RELN: variants seen among roughly 807,000 people sequenced by gnomAD.
The protein encoded by RELN is reelin.
Under a neutral mutation model 427.6 loss-of-function variants are expected in RELN, and 108 were observed. The ratio of observed to expected loss-of-function variants is 0.25; its 90% confidence interval spans 0.22 to 0.30. RELN has a LOEUF of 0.30. RELN is among the 10% of genes least tolerant of loss of function. RELN has a pLI of 1.00. For missense variants in RELN, 3,715 were observed against 4,302.8 expected (o/e 0.86, Z 3.82); for synonymous variants, 1,524 against 1,513.4 (o/e 1.01, Z -0.16).
rs989234403 is a variant in RELN at position 103,873,974 on chromosome 7, C to G, written c.338-40302G>C. ...AATCCTCAATAAAATACTGGCAAAC[C>G]GAATCCAGCAGCACATCAAAAAGCT... On this transcript the variant is annotated intron_variant, in intron 2 of 64. Coordinates refer to ENST00000428762, the MANE Select transcript of RELN (RefSeq NM_005045.4). 2.1e-4 allele frequency among the ~76,000 whole-genome samples: 30 copies of G among 142,884 alleles called. No individual in the cohort carries two copies. The South Asian group carries it at 2.8e-3, about 13-fold the overall frequency. 93.7% of individuals were successfully genotyped at this position (142,884 alleles called of 152,430 possible). A position where few individuals can be genotyped will look rare whatever the true frequency, so the allele number is the denominator to read the frequency against.
At chr7:103,917,032 G>C in intron 2 of RELN, 43 bp downstream of exon 2, 1 of 1,372,806 alleles carries the variant, frequency 7.3e-7, no homozygotes, top group Non-Finnish European at 1.0e-6. Flanking sequence ...ACCTATGACT[G>C]TATAAAATAC....
Position 103,780,407 on chromosome 7 carries a change from ATTTAT to A in RELN, c.474-3785_474-3781del, listed in dbSNP as rs531005810. 4.1e-4 allele frequency among the ~76,000 whole-genome samples: 62 copies of A among 152,268 alleles called. No individual in the cohort carries two copies. The South Asian group carries it at 0.012, about 30-fold the overall frequency. ...ATCTTTTTTAAAAAAATGTTTTAACATTTATTTTAAGTTCTGGGGTACATGTGCAG... is the reference window on the plus strand; with the variant it reads ...ATCTTTTTTAAAAAAATGTTTTAACATTTAAGTTCTGGGGTACATGTGCAG... On this transcript the variant is annotated intron_variant, in intron 3 of 64. Coordinates refer to ENST00000428762, the MANE Select transcript of RELN (RefSeq NM_005045.4).
At position 103,589,696 on chromosome 7, in the gene RELN, C is replaced by G; in HGVS notation, c.4045G>C (p.Gly1349Arg). 1 of 1,614,052 alleles carries G rather than the reference C, an allele frequency of 6.2e-7. No homozygotes were observed. The highest frequency in any genetic ancestry group is 8.5e-7 in the Non-Finnish European group (1 of 1,179,936). Residue 1349 changes from glycine to arginine, a missense_variant, in exon 28 of 65, where the codon GGA (glycine) becomes CGA (arginine). Around this residue, in one of 4 missense-constraint regions of RELN, gnomAD observed 2,208 missense variants for 2,361.7 expected, o/e 0.93. Coordinates refer to ENST00000428762, the MANE Select transcript of RELN (RefSeq NM_005045.4). ...YPASAGKGCE[G>R]NSRELSEPTM... ...GGCTCACTTAGTTCTCTGGAGTTTC[C>G]TTCGCATCCTTTGCCTGCAGAAGCC... is the stretch of plus-strand genomic sequence containing the variant.
intron 42 of RELN, among the ~76,000 whole-genome samples, chr7:103,543,616 C>T (rs181196382): frequency 1.4e-4 from 22 of 151,954 alleles, no homozygotes; most frequent in Non-Finnish European, 2.5e-4. Context: ...CACTTCACTC[C>T]GGCCTGGGTG....
At chr7:103,916,993 C>T in intron 2 of RELN, 82 bp downstream of exon 2, 2 of 1,041,444 alleles carry the variant, frequency 1.9e-6, no homozygotes, top group South Asian at 1.3e-5. Flanking sequence ...AGGTCTAACA[C>T]TGTTAAAACA....
At chr7:103,545,648 AT>A (rs199794964) in intron 41 of RELN, among the ~76,000 whole-genome samples, 34 of 146,700 alleles carry the variant, frequency 2.3e-4, no homozygotes, top group Non-Finnish European at 3.3e-4. Context: ...ATTTTGTTTT[AT>A]TTTTTTTTTT....
At chr7:103,803,665 G>C (rs1792524320) in intron 3 of RELN, among the ~76,000 whole-genome samples, 1 of 151,982 alleles carries the variant, frequency 6.6e-6, no homozygotes, top group East Asian at 1.9e-4. Context: ...AGCTTCTAAG[G>C]GTAGAAGGAA....
chr7:103,480,613 C>T (rs1262736594), intron 63 of RELN, among the ~76,000 whole-genome samples: 3 of 152,068 alleles, frequency 2.0e-5, no homozygotes, highest in Non-Finnish European at 1.5e-5. Context: ...ATTTATTGAA[C>T]GTAGCTTTGT....
chr7:103,832,340 C>A (rs1298821321), intron 3 of RELN, among the ~76,000 whole-genome samples: 1 of 151,976 alleles, frequency 6.6e-6, no homozygotes, highest in African/African-American at 2.4e-5. Context: ...ATCTATTCGA[C>A]AAATATTTAG....
At chr7:103,491,337 A>AAGAG (rs370990788) in intron 58 of RELN, among the ~76,000 whole-genome samples, 130 of 152,338 alleles carry the variant, frequency 8.5e-4, no homozygotes, top group African/African-American at 3.0e-3. Context: ...TAACATGAAT[A>AAGAG]AGAGAGTTCT....
At chr7:103,683,002 T>TA (rs1388727503) in intron 10 of RELN, among the ~76,000 whole-genome samples, 3 of 152,216 alleles carry the variant, frequency 2.0e-5, no homozygotes, top group Non-Finnish European at 4.4e-5. Flanking sequence ...TTAGTTACTT[T>TA]AAAAAATTAT....
intron 61 of RELN, among the ~76,000 whole-genome samples, chr7:103,485,030 A>G (rs1022529337): frequency 6.6e-6 from 1 of 152,186 alleles, no homozygotes; most frequent in Non-Finnish European, 1.5e-5. Context: ...AAATCATCAT[A>G]AGATTCCTCA....
intron 31 of RELN, among the ~76,000 whole-genome samples, chr7:103,571,148 G>A (rs1351170045): frequency 6.6e-6 from 1 of 152,198 alleles, no homozygotes; most frequent in East Asian, 1.9e-4. Context: ...GAACACAGCT[G>A]TTGGTAGCTC....
intron 11 of RELN, among the ~76,000 whole-genome samples, chr7:103,670,846 C>T (rs952138674): frequency 2.0e-5 from 3 of 151,956 alleles, no homozygotes; most frequent in Non-Finnish European, 4.4e-5. Flanking sequence ...AGTCACTAAA[C>T]GTAATGGAAC....
intron 6 of RELN, among the ~76,000 whole-genome samples, chr7:103,747,355 T>C (rs1246670965): frequency 6.6e-6 from 1 of 151,408 alleles, no homozygotes; most frequent in East Asian, 1.9e-4. Context: ...ATGGCACATA[T>C]ATATATGTGT....
intron 3 of RELN, among the ~76,000 whole-genome samples, chr7:103,783,166 T>TTTC (rs1791936888): frequency 6.7e-6 from 1 of 148,214 alleles, no homozygotes; most frequent in African/African-American, 2.5e-5. Context: ...CTTTCTTTCT[T>TTTC]TTTTTTTTTT....
chr7:103,573,687 C>A lies in RELN; in HGVS notation c.4511+405G>T, dbSNP rs1446807392. Among the ~76,000 whole-genome samples the A allele has an allele frequency of 6.6e-6, 1 of 152,092 alleles. No individual in the cohort carries two copies. The highest frequency in any genetic ancestry group is 6.5e-5 in the Admixed American group (1 of 15,272). ...GTAGGCATTTAAAATTTCTGGGGAC[C>A]ATTTTCAATAAGTGAATACAAATCA... On this transcript the variant is annotated intron_variant, in intron 30 of 64. Transcript: ENST00000428762. The surrounding 1 kb of genome is among the most constrained non-coding windows in gnomAD (Gnocchi z 4.4).
rs565407741 is a variant in RELN at position 103,808,550 on chromosome 7, GA to G, written c.473+24986del. Among the ~76,000 whole-genome samples, 15 of 146,652 alleles carry G rather than the reference GA, an allele frequency of 1.0e-4. 1 individual carries two copies. The highest frequency in any genetic ancestry group is 4.0e-4 in the East Asian group (2 of 4,960). Reference sequence around the variant, plus strand: ...GAAAGAGATCAATACAAACAGCAAGGAAAAAAAAATACAACTTTAAGAAAAT... The same window carrying G: ...GAAAGAGATCAATACAAACAGCAAGGAAAAAAAATACAACTTTAAGAAAAT... On this transcript the variant is annotated intron_variant, in intron 3 of 64. Transcript: ENST00000428762.
chr7:103,549,398 G>A (rs1204816501), intron 41 of RELN, among the ~76,000 whole-genome samples: 1 of 152,152 alleles, frequency 6.6e-6, no homozygotes, highest in Admixed American at 6.5e-5. Flanking sequence ...CCACTTTCAT[G>A]AACTAATTGC....
Sources: gnomAD v4.1 joint callset for allele counts (sites outside exome capture counted in the v4.1 genomes callset) on GRCh38, gnomAD v4.1.1 for gene constraint, gnomAD v4.1.1 regional missense constraint, Gnocchi (gnomAD v3.1) non-coding constraint, MANE v1.5 for transcripts, NCBI Gene and HGNC (gene_info 2026-07-23, HGNC 2026-07-21) for gene names.